PSD3: variants seen among roughly 807,000 people sequenced by gnomAD.
PSD3 encodes the protein pleckstrin and Sec7 domain containing 3, also known as PH and SEC7 domain-containing protein 3.
PSD3 carries 49 observed loss-of-function variants against 105.5 expected under a neutral mutation model. The ratio of observed to expected loss-of-function variants is 0.46; its 90% confidence interval spans 0.37 to 0.59. The LOEUF is 0.59. Ranked by LOEUF, PSD3 falls within the 20% of genes least tolerant of loss-of-function variation. The pLI, the probability that PSD3 is intolerant of heterozygous loss-of-function variation, is 0.00. For synonymous variants in PSD3, 557 were observed against 457.8 expected, an observed-to-expected ratio of 1.22 and a Z score of -2.77; for missense variants, 1,561 against 1,263.8, an observed-to-expected ratio of 1.24 and a Z score of -3.57.
At chr8:18,730,367 C>T (rs1406783424) in intron 9 of PSD3, 2 of 152,172 alleles carry the variant, frequency 1.3e-5, no homozygotes. Context: ...TATAAACAAA[C>T]ATATACACCC....
chr8:18,958,491 A>G (rs1049929630), intron 1 of PSD3, among the ~76,000 whole-genome samples: 1 of 152,222 alleles, frequency 6.6e-6, no homozygotes, highest in African/African-American at 2.4e-5. Context: ...TGAGCACTCA[A>G]GGAATTACAG....
intron 1 of PSD3, among the ~76,000 whole-genome samples, chr8:19,082,090 C>T (rs528621458): frequency 6.6e-6 from 1 of 152,302 alleles, no homozygotes; most frequent in East Asian, 1.9e-4. Context: ...TTCTCACACA[C>T]TCATCTTTCA....
intron 10 of PSD3, 62 bp from the exon 11 acceptor site, chr8:18,632,868 T>G (rs1479557987): frequency 4.6e-6 from 6 of 1,301,482 alleles, no homozygotes; most frequent in Non-Finnish European, 6.3e-6. Context: ...AAGAAAAAGG[T>G]AAGTTATTGT....
intron 2 of PSD3, among the ~76,000 whole-genome samples, chr8:18,914,251 C>T (rs1456749717): frequency 6.6e-6 from 1 of 151,312 alleles, no homozygotes; most frequent in East Asian, 1.9e-4. Context: ...GAATGTACCT[C>T]AACATAATAA....
At chr8:18,557,668 A>C (rs1432830130) in intron 14 of PSD3, among the ~76,000 whole-genome samples, 1 of 152,220 alleles carries the variant, frequency 6.6e-6, no homozygotes, top group Non-Finnish European at 1.5e-5. Flanking sequence ...TAACAAAACA[A>C]AATGAAACAC....
At chr8:18,836,164 A>T (rs970045368) in intron 4 of PSD3, among the ~76,000 whole-genome samples, 2 of 151,966 alleles carry the variant, frequency 1.3e-5, no homozygotes, top group Non-Finnish European at 1.5e-5. Flanking sequence ...GGTGCTGGAG[A>T]CTCCCGCATT....
intron 10 of PSD3, among the ~76,000 whole-genome samples, chr8:18,651,696 A>G (rs1302809515): frequency 6.6e-6 from 1 of 152,208 alleles, no homozygotes; most frequent in Non-Finnish European, 1.5e-5. Flanking sequence ...ATGGAAGCTT[A>G]AGGCTGAGAT....
At chr8:18,594,150 A>T (rs376320674) in intron 12 of PSD3, among the ~76,000 whole-genome samples, 132 of 39,672 alleles carry the variant, frequency 3.3e-3, no homozygotes, top group African/African-American at 8.5e-3. Context: ...ATATTATATA[A>T]TATATATTAT....
chr8:18,538,793 G>C (rs1799976776), intron 15 of PSD3, among the ~76,000 whole-genome samples: 1 of 152,222 alleles, frequency 6.6e-6, no homozygotes, highest in Admixed American at 6.5e-5. Context: ...TACAGCTCCA[G>C]CTGCAAAGCT....
chr8:18,939,512 T>C (rs994626634), intron 1 of PSD3, among the ~76,000 whole-genome samples: 1 of 151,304 alleles, frequency 6.6e-6, no homozygotes, highest in African/African-American at 2.4e-5. Context: ...TAAAGAAACA[T>C]AGCTTTTTTT....
intron 14 of PSD3, among the ~76,000 whole-genome samples, chr8:18,558,692 G>A (rs1247052162): frequency 6.6e-6 from 1 of 152,058 alleles, no homozygotes; most frequent in Non-Finnish European, 1.5e-5. Context: ...GTGGTAGCAC[G>A]TGCCTGTAAT....
chr8:18,564,218 T>C (rs573757003), intron 14 of PSD3, among the ~76,000 whole-genome samples: 2 of 152,282 alleles, frequency 1.3e-5, no homozygotes, highest in South Asian at 2.1e-4. Context: ...AAGCATCATA[T>C]ATTAAAAGAT....
intron 10 of PSD3, among the ~76,000 whole-genome samples, chr8:18,651,041 C>A (rs1370599055): frequency 1.3e-5 from 2 of 152,126 alleles, no homozygotes; most frequent in African/African-American, 2.4e-5. Flanking sequence ...TACGTAAGTA[C>A]CTTTCAAAAA....
chr8:18,623,602 C>T (rs1806280352), intron 11 of PSD3, among the ~76,000 whole-genome samples: 1 of 149,782 alleles, frequency 6.7e-6, no homozygotes, highest in Middle Eastern at 3.5e-3. Context: ...ATTGCATGTA[C>T]CACTGTACTC....
At chr8:19,071,859 G>GCCA (rs1432295527) in intron 1 of PSD3, among the ~76,000 whole-genome samples, 1 of 151,986 alleles carries the variant, frequency 6.6e-6, no homozygotes, top group Admixed American at 6.6e-5. Context: ...ACAGGCACCT[G>GCCA]CCACCACACC....
intron 4 of PSD3, among the ~76,000 whole-genome samples, chr8:18,841,072 G>A (rs1814580483): frequency 6.6e-6 from 1 of 152,192 alleles, no homozygotes; most frequent in African/African-American, 2.4e-5. Context: ...ATAGAAAGCA[G>A]AAGAAAGTCC....
intron 8 of PSD3, among the ~76,000 whole-genome samples, chr8:18,765,940 C>G (rs1439115881): frequency 6.7e-6 from 1 of 148,546 alleles, no homozygotes; most frequent in Non-Finnish European, 1.5e-5. Context: ...TGCACTCCAG[C>G]GTGGGTGACA....
intron 8 of PSD3, among the ~76,000 whole-genome samples, chr8:18,775,661 T>G (rs1807988988): frequency 6.6e-6 from 1 of 152,182 alleles, no homozygotes; most frequent in Non-Finnish European, 1.5e-5. Context: ...AATCAAAAAT[T>G]TTGCCCATTT....
At chr8:18,575,450 A>T (rs1802409912) in intron 12 of PSD3, among the ~76,000 whole-genome samples, 165 bp from the exon 13 acceptor site, 1 of 152,248 alleles carries the variant, frequency 6.6e-6, no homozygotes, top group South Asian at 2.1e-4. Context: ...GTTACAGAAC[A>T]TTATGTTGTT....
Sources: gnomAD v4.1 joint callset for allele counts (sites outside exome capture counted in the v4.1 genomes callset) on GRCh38, gnomAD v4.1.1 for gene constraint, MANE v1.5 for transcripts, NCBI Gene and HGNC (gene_info 2026-07-23, HGNC 2026-07-21) for gene names.